Variants in TYW5 observed in about 807,000 individuals in gnomAD.
The protein encoded by TYW5 is tRNA-yW synthesizing protein 5.
A neutral mutation model predicts 44.4 loss-of-function variants in TYW5; 36 were observed. The ratio of observed to expected loss-of-function variants is 0.81; its 90% CI spans 0.62 to 1.07. The LOEUF is 1.07. Ranked by LOEUF, TYW5 falls within the 50% of genes least tolerant of loss-of-function variation. TYW5 has a pLI of 0.00. For missense variants in TYW5, 354 were observed against 365.7 expected, an observed-to-expected ratio of 0.97 and a Z score of 0.26; for synonymous variants, 121 against 128.1, an observed-to-expected ratio of 0.94 and a Z score of 0.37.
chr2:199,932,854 G>C lies in TYW5; in HGVS notation c.*213C>G. 1 of 534,472 alleles carries C rather than the reference G, an allele frequency of 1.9e-6. No individual in the cohort carries two copies. The highest frequency in any genetic ancestry group is 3.2e-6 in the Non-Finnish European group (1 of 311,876). The allele number at this position is 534,472 out of a possible 1,614,324, so 33.1% of individuals were successfully genotyped here. On this transcript the variant is annotated 3_prime_UTR_variant, in exon 8 of 8. Transcript: ENST00000354611. ...ACTGTTTTTAAGTCATTTTAAGTTGGACTTTTAGTGGTCAGCATCTGAATG... is the reference window on the plus strand; with the variant it reads ...ACTGTTTTTAAGTCATTTTAAGTTGCACTTTTAGTGGTCAGCATCTGAATG...
rs567366694 is a variant in TYW5 at position 199,954,598 on chromosome 2, C to A, written c.78+795G>T. Among the ~76,000 whole-genome samples the A allele has an allele frequency of 2.4e-4, 36 of 152,082 alleles. No individual in the cohort carries two copies. The East Asian group carries it at 7.0e-3, about 30-fold the overall frequency. ...AGGTATGGGCCACCACCATGCCCGG[C>A]TAATTTTGTATTTTTAGTAGAGATG... On this transcript the variant is annotated intron_variant, in intron 1 of 7. Coordinates refer to ENST00000354611, the MANE Select transcript of TYW5 (RefSeq NM_001039693.3).
chr2:199,944,304 C>A (rs941461620), intron 2 of TYW5: 1 of 153,868 alleles, frequency 6.5e-6, no homozygotes, highest in African/African-American at 2.4e-5. Context: ...ATATTCCTGC[C>A]TTTTGGCATA....
chr2:199,936,463 T>C lies in TYW5; in HGVS notation c.516A>G (p.Thr172=), dbSNP rs1258381421. 1 of 1,613,216 alleles carries C rather than the reference T, an allele frequency of 6.2e-7. No individual in the cohort carries two copies. The highest frequency in any genetic ancestry group is 1.3e-5 in the African/African-American group (1 of 74,906). Residue 172 remains threonine, a synonymous_variant, in exon 6 of 8, where the codon ACA becomes ACG. Transcript: ENST00000354611. Reference sequence around the variant, plus strand: ...TGAAGAGTACAACACGCTTTTTTCCTGTCACTTGTATTAACAAATTATCCA... The same window carrying C: ...TGAAGAGTACAACACGCTTTTTTCCCGTCACTTGTATTAACAAATTATCCA... The part of the protein sequence containing the change: ...DVMDNLLIQV[T]GKKRVVLFSP...
rs202180803 is a variant in TYW5 at position 199,929,831 on chromosome 2, G to GT, written c.*3235dup. The stretch of plus-strand genomic sequence containing the variant: ...AATGCTAATAATTACACTCTGTTTA[G>GT]TTTTTTTTTTTGAGACAGGTCTCCC... On this transcript the variant is annotated 3_prime_UTR_variant, in exon 8 of 8. Coordinates refer to ENST00000354611, the MANE Select transcript of TYW5 (RefSeq NM_001039693.3). 0.031 allele frequency: 4,495 copies of GT among 145,642 alleles called. 137 individuals carry two copies. Among genetic ancestry groups the GT allele is most frequent in the East Asian group, 0.093 (466 of 5,028 alleles). 9.0% of individuals were successfully genotyped at this position (145,642 alleles called of 1,614,324 possible).
intron 2 of TYW5, chr2:199,944,079 ATCTT>A (rs1369288065): frequency 1.5e-5 from 5 of 343,842 alleles, no homozygotes; most frequent in Non-Finnish European, 2.6e-5. Flanking sequence ...ATACAGATGA[ATCTT>A]TCAATAGATC....
At chr2:199,950,137 G>A (rs28678120) in intron 1 of TYW5, among the ~76,000 whole-genome samples, 2,037 of 151,982 alleles carry the variant, frequency 0.013, 35 homozygotes, top group African/African-American at 0.045. Flanking sequence ...ATATATACAC[G>A]TACACCCCAT....
chr2:199,940,192 T>A, intron 3 of TYW5, 59 bp from the exon 4 acceptor site: 1 of 1,486,220 alleles, frequency 6.7e-7, no homozygotes, highest in Non-Finnish European at 9.4e-7. Context: ...AATGTAAAAA[T>A]ACTAGGATTT....
rs2077380932 is a variant in TYW5, at chr2:199,931,902, G to A, written c.*1165C>T. 1 of 152,068 alleles carries A rather than the reference G, an allele frequency of 6.6e-6. No homozygotes were observed. Among genetic ancestry groups the A allele is most frequent in the African/African-American group, 2.4e-5 (1 of 41,420 alleles). The allele number at this position is 152,068 out of a possible 1,614,324, so 9.4% of individuals were successfully genotyped here. Reference sequence around the variant, plus strand: ...CCACACACAATGGCTCACTGTCTTCGATGACAACACTTTTAGGATCTCATT... The same window carrying A: ...CCACACACAATGGCTCACTGTCTTCAATGACAACACTTTTAGGATCTCATT... On this transcript the variant is annotated 3_prime_UTR_variant, in exon 8 of 8. Coordinates refer to ENST00000354611, the MANE Select transcript of TYW5 (RefSeq NM_001039693.3).
rs970014356 is a variant in TYW5, at chr2:199,929,502, G to A, written c.*3565C>T. 1.3e-5 allele frequency among the ~76,000 whole-genome samples: 2 copies of A among 150,922 alleles called. No individual in the cohort carries two copies. Among genetic ancestry groups the A allele is most frequent in the Non-Finnish European group, 2.9e-5 (2 of 67,912 alleles). On this transcript the variant is annotated 3_prime_UTR_variant, in exon 8 of 8. Transcript: ENST00000354611. ...CTATTTTTTAGCACTGGGGAAAGGA[G>A]TCACAGCAGCACAGTTCCAATTCCA... is the stretch of plus-strand genomic sequence containing the variant.
intron 3 of TYW5, 40 bp from the exon 4 acceptor site, chr2:199,940,173 ACT>A: frequency 6.3e-7 from 1 of 1,582,318 alleles, no homozygotes; most frequent in Non-Finnish European, 8.7e-7. Flanking sequence ...GCAATATTTT[ACT>A]TTTTCAAATG....
chr2:199,933,976 T>C (rs2077400465), intron 7 of TYW5, among the ~76,000 whole-genome samples: 1 of 152,088 alleles, frequency 6.6e-6, no homozygotes, highest in Admixed American at 6.5e-5. Context: ...TTTCCTTTTA[T>C]TGGGAAATTT....
intron 1 of TYW5, among the ~76,000 whole-genome samples, chr2:199,954,538 T>C (rs918258763): frequency 6.6e-6 from 1 of 151,254 alleles, no homozygotes; most frequent in Non-Finnish European, 1.5e-5. Context: ...TTCAAGCGAT[T>C]CTCCTGCCTC....
chr2:199,936,225 T>TTCTGATG (rs1401793544), intron 6 of TYW5, among the ~76,000 whole-genome samples, 178 bp from the exon 7 acceptor site: 8 of 152,220 alleles, frequency 5.3e-5, no homozygotes, highest in South Asian at 2.1e-4. Context: ...CACTCTTTAA[T>TTCTGATG]TCTGATGACT....
Position 199,929,970 on chromosome 2 carries a change from ATTTT to A in TYW5, c.*3093_*3096del, listed in dbSNP as rs35165461. On this transcript the variant is annotated 3_prime_UTR_variant, in exon 8 of 8. Transcript: ENST00000354611. ...ACCACTCCCCAGCTCTGCATATAAT[ATTTT>A]TTTTTTTTTTTTTTTTTTTGAGACA... 40 of 89,856 alleles carry A rather than the reference ATTTT, an allele frequency of 4.5e-4. No individual in the cohort carries two copies. Among genetic ancestry groups the A allele is most frequent in the Non-Finnish European group, 6.9e-4 (32 of 46,094 alleles). The allele number at this position is 89,856 out of a possible 1,614,324, so 5.6% of individuals were successfully genotyped here.
At position 199,933,223 on chromosome 2, in the gene TYW5, A is replaced by G; in HGVS notation, c.792T>C (p.Tyr264=). The change falls in exon 8 of 8, where the codon TAT becomes TAC. Residue 264 remains tyrosine, a synonymous_variant. Transcript: ENST00000354611. ...PSECYDKTDT[Y]GNKDPTAASR... The stretch of plus-strand genomic sequence containing the variant: ...ATGCTGCTGTAGGATCTTTGTTTCC[A>G]TAGGTATCTGTTTTATCATAGCATT... 1.2e-6 allele frequency: 2 copies of G among 1,614,114 alleles called. No individual in the cohort carries two copies. The highest frequency in any genetic ancestry group is 1.1e-5 in the South Asian group (1 of 91,074).
Position 199,929,545 on chromosome 2 carries a change from G to T in TYW5, c.*3522C>A, listed in dbSNP as rs2077357307. Among the ~76,000 whole-genome samples, 1 of 135,862 alleles carries T rather than the reference G, an allele frequency of 7.4e-6. No individual in the cohort carries two copies. The allele number at this position is 135,862 out of a possible 152,430, so 89.1% of individuals were successfully genotyped here. ...CAATTCCATCCAGGCCTGCCTTCCA[G>T]CTTCCTGCATTTTTTTTTTTTTTTT... On this transcript the variant is annotated 3_prime_UTR_variant, in exon 8 of 8. Coordinates refer to ENST00000354611, the MANE Select transcript of TYW5 (RefSeq NM_001039693.3).
At chr2:199,933,435 G>A (rs1412891216) in intron 7 of TYW5, 112 bp from the exon 8 acceptor site, 2 of 918,694 alleles carry the variant, frequency 2.2e-6, no homozygotes, top group Non-Finnish European at 3.2e-6. Context: ...AATAATTCTT[G>A]TAACCAGATC....
chr2:199,943,997 A>G (rs1256406181), intron 2 of TYW5, 163 bp from the exon 3 acceptor site: 3 of 530,726 alleles, frequency 5.7e-6, no homozygotes, highest in African/African-American at 3.9e-5. Context: ...AACTTTTCAA[A>G]ACTTATTGAG....
At chr2:199,948,213 C>T (rs1024047419) in intron 2 of TYW5, 105 bp downstream of exon 2, 1 of 1,192,478 alleles carries the variant, frequency 8.4e-7, no homozygotes, top group Non-Finnish European at 1.2e-6. Context: ...ATCAAACCAG[C>T]CAAAAGATGA....
Sources: allele counts gnomAD v4.1 joint callset (sites outside exome capture counted in the v4.1 genomes callset), GRCh38; gene constraint gnomAD v4.1.1; transcripts MANE v1.5; gene names NCBI Gene and HGNC (gene_info 2026-07-23, HGNC 2026-07-21).